The following NEK7 variants were observed in gnomAD, a reference collection of about 807,000 sequenced individuals.
NEK7 encodes the protein serine/threonine-protein kinase Nek7.
NEK7 carries 18 observed loss-of-function variants against 44.6 expected under a neutral mutation model. The ratio of observed to expected loss-of-function variants is 0.40; its 90% confidence interval spans 0.28 to 0.60. The LOEUF (loss-of-function observed/expected upper bound fraction) is 0.60. Among genes scored for constraint, NEK7 ranks in the 20% least tolerant of loss-of-function variants. The pLI is 0.38. For missense variants in NEK7, 256 were observed against 366.5 expected, an observed-to-expected ratio of 0.70 and a Z score of 2.46; for synonymous variants, 130 against 121.1, an observed-to-expected ratio of 1.07 and a Z score of -0.48.
chr1:198,267,274 CTCATTCATTCAT>C (rs61574788), intron 5 of NEK7, among the ~76,000 whole-genome samples: 13 of 151,352 alleles, frequency 8.6e-5, no homozygotes, highest in Non-Finnish European at 1.8e-4. Flanking sequence ...ACACCTGTTC[CTCATTCATTCAT>C]TCATTCATTC....
chr1:198,171,943 G>A (rs1297396577), intron 1 of NEK7, among the ~76,000 whole-genome samples: 1 of 152,162 alleles, frequency 6.6e-6, no homozygotes, highest in Non-Finnish European at 1.5e-5. Flanking sequence ...TGTAGTAGCA[G>A]TACCCAGTGA....
At chr1:198,237,525 T>G (rs1390581579) in intron 2 of NEK7, among the ~76,000 whole-genome samples, 2 of 152,212 alleles carry the variant, frequency 1.3e-5, no homozygotes, top group African/African-American at 4.8e-5. Flanking sequence ...CTCCTATTTC[T>G]CTGGTCTCAT....
intron 5 of NEK7, among the ~76,000 whole-genome samples, chr1:198,274,778 G>A (rs1278196096): frequency 1.3e-5 from 2 of 151,678 alleles, no homozygotes; most frequent in African/African-American, 4.8e-5. Context: ...CTATATAATT[G>A]GATTTGGTCT....
intron 9 of NEK7, among the ~76,000 whole-genome samples, chr1:198,300,702 A>G (rs947363800): frequency 1.3e-5 from 2 of 151,682 alleles, no homozygotes; most frequent in Admixed American, 1.3e-4. Context: ...ACACATTTTA[A>G]AAGGCTTAGT....
At chr1:198,198,926 C>T (rs1345652408) in intron 1 of NEK7, among the ~76,000 whole-genome samples, 5 of 152,202 alleles carry the variant, frequency 3.3e-5, no homozygotes, top group South Asian at 2.1e-4. Context: ...GTGCCCACTT[C>T]GTGGTTGGTG....
chr1:198,166,285 T>C (rs558572654), intron 1 of NEK7, among the ~76,000 whole-genome samples: 6 of 152,348 alleles, frequency 3.9e-5, no homozygotes, highest in African/African-American at 1.4e-4. Flanking sequence ...ATAAACAAAA[T>C]AGTGTAATAG....
chr1:198,282,471 T>G (rs996349816), intron 7 of NEK7, among the ~76,000 whole-genome samples: 1 of 152,060 alleles, frequency 6.6e-6, no homozygotes, highest in Non-Finnish European at 1.5e-5. Flanking sequence ...GCATGATGCT[T>G]TGGGAAGAAT....
chr1:198,182,775 A>C (rs1343413583), intron 1 of NEK7, among the ~76,000 whole-genome samples: 1 of 152,180 alleles, frequency 6.6e-6, no homozygotes, highest in Non-Finnish European at 1.5e-5. Flanking sequence ...TACTCTGAGA[A>C]GGCTTATTAT....
intron 1 of NEK7, among the ~76,000 whole-genome samples, chr1:198,187,857 A>T (rs538726856): frequency 6.6e-6 from 1 of 152,370 alleles, no homozygotes; most frequent in Admixed American, 6.5e-5. Flanking sequence ...GTACAAAGGT[A>T]CAAGGTTATG....
intron 3 of NEK7, among the ~76,000 whole-genome samples, chr1:198,257,968 A>G (rs1407587910): frequency 6.6e-6 from 1 of 152,218 alleles, no homozygotes; most frequent in Non-Finnish European, 1.5e-5. Context: ...AATTATAGCA[A>G]AAAATAAATC....
intron 1 of NEK7, among the ~76,000 whole-genome samples, chr1:198,230,380 C>A (rs1292137281): frequency 6.6e-6 from 1 of 151,748 alleles, no homozygotes; most frequent in Non-Finnish European, 1.5e-5. Flanking sequence ...CTTTAATATT[C>A]AAAATTGAAT....
At chr1:198,311,288 T>G (rs1431663078) in intron 9 of NEK7, among the ~76,000 whole-genome samples, 4 of 105,464 alleles carry the variant, frequency 3.8e-5, no homozygotes, top group Non-Finnish European at 6.7e-5. Context: ...ACATTGATTT[T>G]GTATCCTGAG....
At chr1:198,205,167 A>G (rs1379594597) in intron 1 of NEK7, among the ~76,000 whole-genome samples, 1 of 152,176 alleles carries the variant, frequency 6.6e-6, no homozygotes, top group Non-Finnish European at 1.5e-5. Flanking sequence ...TGCTTCTTTC[A>G]TGTTCTTTGC....
intron 1 of NEK7, among the ~76,000 whole-genome samples, chr1:198,211,895 G>T (rs537973493): frequency 1.3e-5 from 2 of 152,340 alleles, no homozygotes; most frequent in South Asian, 4.1e-4. Flanking sequence ...GTAGCACCAT[G>T]AACTGAATGG....
At chr1:198,296,984 G>C in intron 8 of NEK7, 143 bp from the exon 9 acceptor site, 1 of 532,756 alleles carries the variant, frequency 1.9e-6, no homozygotes, top group Non-Finnish European at 3.2e-6. Flanking sequence ...TCCTCAGAAG[G>C]GGATATTCAT....
At chr1:198,292,439 A>G (rs1052680421) in intron 7 of NEK7, among the ~76,000 whole-genome samples, 2 of 151,986 alleles carry the variant, frequency 1.3e-5, no homozygotes, top group Non-Finnish European at 2.9e-5. Context: ...AGTGGAAGTA[A>G]GGCATCAAGT....
At chr1:198,210,037 G>T (rs1273262027) in intron 1 of NEK7, among the ~76,000 whole-genome samples, 1 of 152,154 alleles carries the variant, frequency 6.6e-6, no homozygotes, top group Non-Finnish European at 1.5e-5. Context: ...AGCTTAGGCA[G>T]TCCGCCTGCC....
Position 198,319,323 on chromosome 1 carries a change from A to G in NEK7, c.799-89A>G, listed in dbSNP as rs959246633. On this transcript the variant is annotated intron_variant, in intron 9 of 9. Transcript: ENST00000367385. ...TCAGAAAATGTACTTTCCTTGTAAA[A>G]TCTATAGCTATTCATAATTTCTTCC... The G allele has an allele frequency of 1.5e-5, 11 of 751,586 alleles. No homozygotes were observed. In the Middle Eastern group the frequency reaches 1.2e-3, roughly 82 times the overall value. The allele number at this position is 751,586 out of a possible 1,614,324, so 46.6% of individuals were successfully genotyped here.
chr1:198,263,646 T>A (rs766991603), intron 4 of NEK7, among the ~76,000 whole-genome samples: 12 of 151,942 alleles, frequency 7.9e-5, no homozygotes, highest in Non-Finnish European at 1.5e-5. Flanking sequence ...ATAAAAGCAA[T>A]AGTTAGATAT....
Sources: allele counts gnomAD v4.1 joint callset (sites outside exome capture counted in the v4.1 genomes callset), GRCh38; gene constraint gnomAD v4.1.1; transcripts MANE v1.5; gene names NCBI Gene and HGNC (gene_info 2026-07-23, HGNC 2026-07-21).